The following ZNF804A variants were observed in gnomAD, a reference collection of about 807,000 sequenced individuals.
ZNF804A encodes the protein zinc finger protein 804A.
In ZNF804A, 2 loss-of-function variants were observed where a neutral mutation model predicts 16.5. The observed-to-expected ratio is 0.12, with a 90% CI of 0.05 to 0.38. ZNF804A has a LOEUF of 0.38. Ranked by LOEUF, ZNF804A falls within the 10% of genes least tolerant of loss-of-function variation. The probability of loss-of-function intolerance (pLI) is 0.99; values close to 1 mark genes in which losing one functional copy is unlikely to be tolerated. For synonymous variants in ZNF804A, 534 were observed against 489.6 expected (o/e 1.09, Z -1.20); for missense variants, 1,473 against 1,390.7 (o/e 1.06, Z -0.94).
intron 1 of ZNF804A, among the ~76,000 whole-genome samples, chr2:184,855,077 A>G (rs1171967430): frequency 6.6e-6 from 1 of 152,112 alleles, no homozygotes; most frequent in African/African-American, 2.4e-5. Context: ...AACCAAATCT[A>G]TAACGCTGAT....
At chr2:184,726,598 A>G (rs190636978) in intron 1 of ZNF804A, among the ~76,000 whole-genome samples, 2 of 151,752 alleles carry the variant, frequency 1.3e-5, no homozygotes, top group South Asian at 4.1e-4. Flanking sequence ...ATAAATAATT[A>G]CATAAATGCA....
At chr2:184,627,544 A>G (rs1691525414) in intron 1 of ZNF804A, among the ~76,000 whole-genome samples, 1 of 152,142 alleles carries the variant, frequency 6.6e-6, no homozygotes, top group Admixed American at 6.5e-5. Flanking sequence ...TGCATCTACA[A>G]TGTACTACCC....
intron 1 of ZNF804A, among the ~76,000 whole-genome samples, chr2:184,727,476 A>T (rs1311857106): frequency 6.6e-6 from 1 of 151,614 alleles, no homozygotes; most frequent in Non-Finnish European, 1.5e-5. Context: ...ATTATGCCTC[A>T]TTATTTTTCT....
intron 2 of ZNF804A, among the ~76,000 whole-genome samples, chr2:184,911,611 A>AT (rs1035487188): frequency 1.3e-5 from 2 of 151,062 alleles, no homozygotes; most frequent in East Asian, 1.9e-4. Flanking sequence ...TGAGCATGGA[A>AT]TTTTTTTTTA....
chr2:184,641,279 A>C (rs889290908), intron 1 of ZNF804A, among the ~76,000 whole-genome samples: 2 of 152,206 alleles, frequency 1.3e-5, no homozygotes. Flanking sequence ...CAAATTGCTA[A>C]TATAAAGCTA....
At chr2:184,610,482 T>C (rs1372601543) in intron 1 of ZNF804A, among the ~76,000 whole-genome samples, 1 of 152,018 alleles carries the variant, frequency 6.6e-6, no homozygotes. Flanking sequence ...AGAAAAGGAA[T>C]GGGTTTAATG....
chr2:184,660,791 G>T (rs1692160740), intron 1 of ZNF804A, among the ~76,000 whole-genome samples: 1 of 152,226 alleles, frequency 6.6e-6, no homozygotes, highest in African/African-American at 2.4e-5. Flanking sequence ...GCCAATAAGA[G>T]AATTATTGAA....
At chr2:184,632,644 C>T (rs545431234) in intron 1 of ZNF804A, among the ~76,000 whole-genome samples, 1 of 152,344 alleles carries the variant, frequency 6.6e-6, no homozygotes, top group East Asian at 1.9e-4. Flanking sequence ...TCCCAAAAAG[C>T]TGAGATTACA....
chr2:184,918,668 C>T (rs997698375), intron 2 of ZNF804A, among the ~76,000 whole-genome samples: 1 of 152,056 alleles, frequency 6.6e-6, no homozygotes, highest in African/African-American at 2.4e-5. Flanking sequence ...CATATATATG[C>T]TTTGTTCTAA....
chr2:184,869,469 A>T (rs1262730181), intron 2 of ZNF804A, among the ~76,000 whole-genome samples: 1 of 152,076 alleles, frequency 6.6e-6, no homozygotes, highest in Non-Finnish European at 1.5e-5. Flanking sequence ...CTTACCAGCC[A>T]TATGACTTTG....
chr2:184,833,515 A>G (rs1375431464), intron 1 of ZNF804A, among the ~76,000 whole-genome samples: 2 of 152,132 alleles, frequency 1.3e-5, no homozygotes, highest in African/African-American at 2.4e-5. Context: ...ACTAATTTAT[A>G]TTAAAGTTTA....
chr2:184,777,788 T>C (rs1408883977), intron 1 of ZNF804A, among the ~76,000 whole-genome samples: 1 of 151,650 alleles, frequency 6.6e-6, no homozygotes, highest in Non-Finnish European at 1.5e-5. Flanking sequence ...CCTTTAGAGT[T>C]TCCCATAGCC....
chr2:184,933,853 T>C (rs929708211), intron 3 of ZNF804A, 120 bp downstream of exon 3: 23 of 972,558 alleles, frequency 2.4e-5, no homozygotes, highest in Non-Finnish European at 3.4e-5. Flanking sequence ...GGCACACATG[T>C]TTTCATGGCC....
intron 2 of ZNF804A, among the ~76,000 whole-genome samples, chr2:184,932,146 A>G (rs1017218460): frequency 6.6e-6 from 1 of 152,094 alleles, no homozygotes; most frequent in African/African-American, 2.4e-5. Flanking sequence ...ACTTTCTCAT[A>G]TCTTCCTGTC....
chr2:184,677,228 C>A (rs1692453476), intron 1 of ZNF804A, among the ~76,000 whole-genome samples: 1 of 151,788 alleles, frequency 6.6e-6, no homozygotes, highest in Non-Finnish European at 1.5e-5. Flanking sequence ...GTAGTTGATT[C>A]AAGAGATATA....
chr2:184,903,351 A>G (rs1685216280), intron 2 of ZNF804A, among the ~76,000 whole-genome samples: 1 of 152,118 alleles, frequency 6.6e-6, no homozygotes, highest in Non-Finnish European at 1.5e-5. Context: ...TACCGTTTCT[A>G]TGTTTAAGTA....
intron 1 of ZNF804A, among the ~76,000 whole-genome samples, chr2:184,864,708 AC>A: frequency 6.6e-6 from 1 of 152,128 alleles, no homozygotes; most frequent in Non-Finnish European, 1.5e-5. Flanking sequence ...TATTGTAGAA[AC>A]AATTTAAACA....
At chr2:184,640,770 A>T (rs1346594897) in intron 1 of ZNF804A, among the ~76,000 whole-genome samples, 1 of 152,204 alleles carries the variant, frequency 6.6e-6, no homozygotes, top group African/African-American at 2.4e-5. Flanking sequence ...ATAAGTTTGT[A>T]CAAAGTTTAT....
intron 1 of ZNF804A, among the ~76,000 whole-genome samples, chr2:184,742,388 G>C (rs887186902): frequency 1.3e-5 from 2 of 151,784 alleles, no homozygotes; most frequent in Non-Finnish European, 1.5e-5. Flanking sequence ...GTATTCAGAC[G>C]AAAGTACCTG....
Sources: gnomAD v4.1 joint callset for allele counts (sites outside exome capture counted in the v4.1 genomes callset) on GRCh38, gnomAD v4.1.1 for gene constraint, MANE v1.5 for transcripts, NCBI Gene and HGNC (gene_info 2026-07-23, HGNC 2026-07-21) for gene names.